The following USP10 variants were observed in gnomAD, a reference collection of about 807,000 sequenced individuals.
The protein encoded by USP10 is ubiquitin carboxyl-terminal hydrolase 10.
In USP10, 22 loss-of-function variants were observed where a neutral mutation model predicts 84.5. That is an observed-to-expected ratio of 0.26 (90% confidence interval 0.19 to 0.37). The LOEUF is 0.37. Ranked by LOEUF, USP10 falls within the 10% of genes least tolerant of loss-of-function variation. USP10 has a pLI of 1.00. For synonymous variants in USP10, 454 were observed against 387.6 expected, an observed-to-expected ratio of 1.17 and a Z score of -2.01; for missense variants, 1,019 against 998.9, an observed-to-expected ratio of 1.02 and a Z score of -0.27.
chr16:84,761,898 G>T (rs1567641179), intron 8 of USP10, among the ~76,000 whole-genome samples: 1 of 152,270 alleles, frequency 6.6e-6, no homozygotes. Flanking sequence ...CTTTGGCTGT[G>T]CCAGTTTTTG....
chr16:84,730,590 C>G (rs1909086918), intron 1 of USP10, among the ~76,000 whole-genome samples: 1 of 152,214 alleles, frequency 6.6e-6, no homozygotes, highest in South Asian at 2.1e-4. Flanking sequence ...GCCGCTGACT[C>G]ATGCTGAAGC....
intron 12 of USP10, among the ~76,000 whole-genome samples, chr16:84,774,087 T>G (rs1914725201): frequency 6.6e-6 from 1 of 151,934 alleles, no homozygotes. Context: ...CCAACTCTTC[T>G]AAAAACACAA....
rs568172830 is a variant in USP10, at chr16:84,778,834, A to G, written c.2210-61A>G. The G allele has an allele frequency of 5.2e-4, 785 of 1,513,632 alleles. 11 individuals are homozygous for G. The South Asian group carries it at 5.6e-3, about 11-fold the overall frequency. The allele number at this position is 1,513,632 out of a possible 1,614,324, so 93.8% of individuals were successfully genotyped here. On this transcript the variant is annotated intron_variant, in intron 13 of 13. Transcript: ENST00000219473. The stretch of plus-strand genomic sequence containing the variant: ...CATCCCTGGAGGGAAGTCGGCGGAG[A>G]CCTGTAATGATTCGTGTGCAGTGCT...
rs1207575950 is a variant in USP10 at position 84,730,684 on chromosome 16, A to G, written c.22-2751A>G. Among the ~76,000 whole-genome samples, 5 of 152,294 alleles carry G rather than the reference A, an allele frequency of 3.3e-5. No individual in the cohort carries two copies. In the South Asian group the frequency reaches 1.0e-3, roughly 32 times the overall value. On this transcript the variant is annotated intron_variant, in intron 1 of 13. Coordinates refer to ENST00000219473, the MANE Select transcript of USP10 (RefSeq NM_005153.3). ...CTCCTCCTCTCCTCCTCTGCTGCCA[A>G]GATTTTTATCAAATCATTTGGATTT...
chr16:84,766,102 G>C (rs79169299), intron 10 of USP10, among the ~76,000 whole-genome samples: 1 of 152,098 alleles, frequency 6.6e-6, no homozygotes, highest in African/African-American at 2.4e-5. Flanking sequence ...CCCTTTTGAG[G>C]CATCAAGACT....
rs967995034 is a variant in USP10 at position 84,747,979 on chromosome 16, C to T, written c.1192+2306C>T. 1.3e-4 allele frequency among the ~76,000 whole-genome samples: 20 copies of T among 151,410 alleles called. 1 individual carries two copies. In the Middle Eastern group the frequency reaches 0.014, roughly 103 times the overall value. On this transcript the variant is annotated intron_variant, in intron 4 of 13. Coordinates refer to ENST00000219473, the MANE Select transcript of USP10 (RefSeq NM_005153.3). ...CATCCTGGCTAACACGGTGAAACCC[C>T]GTCTCTACTAAAAAAAACCTAAAAA...
At chr16:84,751,378 G>A (rs577399943) in intron 4 of USP10, among the ~76,000 whole-genome samples, 2 of 152,152 alleles carry the variant, frequency 1.3e-5, no homozygotes, top group Non-Finnish European at 2.9e-5. Flanking sequence ...ATTTCCCCCC[G>A]CTCCTTGGGG....
intron 2 of USP10, among the ~76,000 whole-genome samples, chr16:84,738,514 C>T (rs370205909): frequency 2.0e-5 from 3 of 152,232 alleles, no homozygotes; most frequent in East Asian, 3.9e-4. Flanking sequence ...CCTTATAGAC[C>T]CACCTCTCTG....
At chr16:84,748,129 G>A (rs1911461282) in intron 4 of USP10, among the ~76,000 whole-genome samples, 2 of 122,436 alleles carry the variant, frequency 1.6e-5, no homozygotes, top group Non-Finnish European at 3.3e-5. Flanking sequence ...ACTCCAGCCT[G>A]GGCGACAGAG....
Position 84,717,240 on chromosome 16 carries a change from A to C in USP10, c.22-16195A>C, listed in dbSNP as rs112629629. Among the ~76,000 whole-genome samples, 569 of 152,146 alleles carry C rather than the reference A, an allele frequency of 3.7e-3. 4 individuals are homozygous for C. The highest frequency in any genetic ancestry group is 0.011 in the African/African-American group (456 of 41,500). ...AAATCATACGCAGAAATGTGTGTAC[A>C]TGCATTCTTTAGGGGGTGGGCCTAA... On this transcript the variant is annotated intron_variant, in intron 1 of 13. Coordinates refer to ENST00000219473, the MANE Select transcript of USP10 (RefSeq NM_005153.3).
At chr16:84,769,169 G>A (rs895044734) in intron 11 of USP10, among the ~76,000 whole-genome samples, 3 of 152,184 alleles carry the variant, frequency 2.0e-5, no homozygotes, top group African/African-American at 7.2e-5. Context: ...TGAATAATGG[G>A]CAGTGGATGG....
Position 84,739,012 on chromosome 16 carries a change from T to C in USP10, c.91-1297T>C, listed in dbSNP as rs114371769. Among the ~76,000 whole-genome samples, 884 of 152,118 alleles carry C rather than the reference T, an allele frequency of 5.8e-3. 7 individuals are homozygous for C. The highest frequency in any genetic ancestry group is 0.02 in the African/African-American group (841 of 41,540). Reference sequence around the variant, plus strand: ...GTCTTTTTGTTCTTTTGTTCTGCCCTCAGGTAGCAGTTTATCTCTCTGCTT... The same window carrying C: ...GTCTTTTTGTTCTTTTGTTCTGCCCCCAGGTAGCAGTTTATCTCTCTGCTT... On this transcript the variant is annotated intron_variant, in intron 2 of 13. Coordinates refer to ENST00000219473, the MANE Select transcript of USP10 (RefSeq NM_005153.3).
rs1295614723 is a variant in USP10 at position 84,756,259 on chromosome 16, A to AG, written c.1193-2453dup. ...ACCCGGTGCCTAGGCAGGGCTCAGC[A>AG]GGGGTTTACTCGCCTTCAGCGAAAG... On this transcript the variant is annotated intron_variant, in intron 4 of 13. Transcript: ENST00000219473. Among the ~76,000 whole-genome samples the AG allele has an allele frequency of 2.6e-5, 4 of 152,358 alleles. No homozygotes were observed. In the East Asian group the frequency reaches 7.7e-4, roughly 29 times the overall value.
At chr16:84,702,898 C>G (rs1905068853) in intron 1 of USP10, among the ~76,000 whole-genome samples, 1 of 145,458 alleles carries the variant, frequency 6.9e-6, no homozygotes, top group Non-Finnish European at 1.5e-5. Flanking sequence ...GAGGCTGAGG[C>G]AGGAGAATCG....
chr16:84,705,716 T>C (rs1019303555), intron 1 of USP10, among the ~76,000 whole-genome samples: 1 of 81,478 alleles, frequency 1.2e-5, no homozygotes, highest in Non-Finnish European at 2.2e-5. Context: ...CCTTGCTTGC[T>C]TTTTTTTTTT....
At chr16:84,724,942 T>A (rs1489122525) in intron 1 of USP10, among the ~76,000 whole-genome samples, 1 of 152,228 alleles carries the variant, frequency 6.6e-6, no homozygotes, top group African/African-American at 2.4e-5. Context: ...CTAGCACCCA[T>A]AACTTACTGG....
chr16:84,767,641 G>A lies in USP10; in HGVS notation c.1833-552G>A, dbSNP rs573034659. On this transcript the variant is annotated intron_variant, in intron 10 of 13. Transcript: ENST00000219473. ...TTATGAACCGGTGCAGTAAATAACA[G>A]TGTGGAGAGGAAGTGAAAGAATTTG... 2.0e-5 allele frequency among the ~76,000 whole-genome samples: 3 copies of A among 152,346 alleles called. No individual in the cohort carries two copies. In the South Asian group the frequency reaches 6.2e-4, roughly 32 times the overall value.
At chr16:84,742,019 C>T (rs988500811) in intron 3 of USP10, among the ~76,000 whole-genome samples, 2 of 152,188 alleles carry the variant, frequency 1.3e-5, no homozygotes, top group African/African-American at 4.8e-5. Context: ...TGCAGAGGCA[C>T]CTCATCGTGG....
chr16:84,764,334 G>C (rs910125336), intron 10 of USP10, 71 bp downstream of exon 10: 85 of 1,594,520 alleles, frequency 5.3e-5, no homozygotes, highest in Non-Finnish European at 6.9e-5. Context: ...AAGGGGGAAG[G>C]TGTGAGGCTT....
Sources: allele counts gnomAD v4.1 joint callset (sites outside exome capture counted in the v4.1 genomes callset), GRCh38; gene constraint gnomAD v4.1.1; transcripts MANE v1.5; gene names NCBI Gene and HGNC (gene_info 2026-07-23, HGNC 2026-07-21).